Variants in TRIM9 observed in about 807,000 individuals in gnomAD.
The protein encoded by TRIM9 is E3 ubiquitin-protein ligase TRIM9.
TRIM9 carries 26 observed loss-of-function variants against 78.3 expected under a neutral mutation model. That is an observed-to-expected ratio of 0.33 (90% CI 0.24 to 0.46). TRIM9 has a LOEUF of 0.46. Ranked by LOEUF, TRIM9 falls within the 20% of genes least tolerant of loss-of-function variation. The probability of loss-of-function intolerance (pLI) is 1.00; values close to 1 mark genes in which losing one functional copy is unlikely to be tolerated. For synonymous variants in TRIM9, 398 were observed against 416.5 expected (o/e 0.96, Z 0.54); for missense variants, 787 against 1,036.4 (o/e 0.76, Z 3.30).
At chr14:51,000,554 G>T in intron 6 of TRIM9, 129 bp downstream of exon 6, 1 of 1,267,964 alleles carries the variant, frequency 7.9e-7, no homozygotes, top group African/African-American at 1.5e-5. Context: ...CAGGTGAAGG[G>T]CAGGCAGGCC....
intron 3 of TRIM9, among the ~76,000 whole-genome samples, chr14:51,014,014 C>G (rs188960402): frequency 6.6e-6 from 1 of 152,268 alleles, no homozygotes; most frequent in East Asian, 1.9e-4. Context: ...GACATCTGCC[C>G]TTGACTACAG....
chr14:51,081,906 G>A (rs2063338490), intron 1 of TRIM9, among the ~76,000 whole-genome samples: 1 of 152,066 alleles, frequency 6.6e-6, no homozygotes, highest in African/African-American at 2.4e-5. Flanking sequence ...TCTCTAACCT[G>A]GAAACTTTCC....
chr14:51,035,388 T>G (rs967310956), intron 1 of TRIM9, among the ~76,000 whole-genome samples: 2 of 152,368 alleles, frequency 1.3e-5, no homozygotes, highest in Middle Eastern at 3.4e-3. Context: ...GCACTAATAT[T>G]TGAGTCTCTG....
At chr14:51,054,712 T>C (rs1167168161) in intron 1 of TRIM9, among the ~76,000 whole-genome samples, 1 of 150,636 alleles carries the variant, frequency 6.6e-6, no homozygotes, top group Non-Finnish European at 1.5e-5. Flanking sequence ...TAGCTGGGAC[T>C]ACAGGCGCAT....
At chr14:51,088,838 C>A (rs1165062177) in intron 1 of TRIM9, 1 of 151,836 alleles carries the variant, frequency 6.6e-6, no homozygotes, top group African/African-American at 2.4e-5. Context: ...CAGAATGCAG[C>A]CTTCTAAACA....
At chr14:51,093,638 A>C (rs1444781775) in intron 1 of TRIM9, among the ~76,000 whole-genome samples, 1 of 152,080 alleles carries the variant, frequency 6.6e-6, no homozygotes, top group Non-Finnish European at 1.5e-5. Context: ...GCCGTGCCTC[A>C]CCAGGTCCGC....
At chr14:50,981,770 A>C (rs778829354) in intron 11 of TRIM9, 30 bp downstream of exon 11, 1 of 1,611,750 alleles carries the variant, frequency 6.2e-7, no homozygotes, top group Non-Finnish European at 8.5e-7. Context: ...GCCAACGTGA[A>C]GAAGGCTTGG....
At chr14:50,996,835 C>A (rs1291242291) in intron 7 of TRIM9, 4 of 985,320 alleles carry the variant, frequency 4.1e-6, no homozygotes, top group African/African-American at 1.7e-5. Context: ...CTCAGCATAT[C>A]CTTCTCTTGG....
chr14:51,094,822 G>T lies in TRIM9; in HGVS notation c.118C>A (p.Gln40Lys), dbSNP rs771289586. 1.3e-6 allele frequency: 2 copies of T among 1,535,462 alleles called. No individual in the cohort carries two copies. Among genetic ancestry groups the T allele is most frequent in the East Asian group, 4.5e-5 (2 of 44,296 alleles). ...TGGGGGGATTCAGACTCTGGGGTCT[G>T]CACCAGGATGTTGCGGGCGCACGCC... ...CQACARNILV[Q>K]TPESESPQSH... is the part of the protein sequence containing the mutation. The change falls in exon 1 of 13, where the codon CAG becomes AAG. Residue 40 changes from glutamine (Q) to lysine (K), a missense_variant. By Grantham distance (53) the Gln-to-Lys change is moderately conservative. Around this residue, in one of 3 missense-constraint regions of TRIM9, gnomAD observed 352 missense variants for 472.3 expected, o/e 0.75. Coordinates refer to ENST00000684578, the MANE Select transcript of TRIM9 (RefSeq NM_001387360.1).
At chr14:50,993,828 C>A (rs17796541) in intron 7 of TRIM9, among the ~76,000 whole-genome samples, 4 of 152,086 alleles carry the variant, frequency 2.6e-5, no homozygotes, top group African/African-American at 9.7e-5. Context: ...TGAGCATTGG[C>A]GGCTTAAAGT....
intron 1 of TRIM9, among the ~76,000 whole-genome samples, chr14:51,088,709 GA>G: frequency 6.6e-6 from 1 of 151,076 alleles, no homozygotes; most frequent in Non-Finnish European, 1.5e-5. Flanking sequence ...AATAACTGAA[GA>G]AAATAACCAA....
At chr14:51,069,520 C>G (rs1320834344) in intron 1 of TRIM9, among the ~76,000 whole-genome samples, 1 of 152,130 alleles carries the variant, frequency 6.6e-6, no homozygotes, top group African/African-American at 2.4e-5. Context: ...ATTGAGAAAC[C>G]CTGCTCTAGG....
intron 3 of TRIM9, among the ~76,000 whole-genome samples, chr14:51,021,480 G>A (rs1401867211): frequency 6.6e-6 from 1 of 152,182 alleles, no homozygotes; most frequent in Non-Finnish European, 1.5e-5. Flanking sequence ...GTTGGAGTCA[G>A]CTGTGGGTAT....
intron 3 of TRIM9, among the ~76,000 whole-genome samples, chr14:51,013,471 A>G (rs1031979490): frequency 4.6e-5 from 7 of 152,180 alleles, no homozygotes; most frequent in Non-Finnish European, 8.8e-5. Context: ...AAGAACTTCA[A>G]ATTTGTCCTT....
intron 1 of TRIM9, among the ~76,000 whole-genome samples, chr14:51,051,538 G>C (rs940588483): frequency 1.3e-5 from 2 of 152,160 alleles, no homozygotes; most frequent in African/African-American, 4.8e-5. Context: ...TTTACACAAA[G>C]AACCCAGGAA....
chr14:51,060,307 C>G (rs2061239278), intron 1 of TRIM9, among the ~76,000 whole-genome samples: 1 of 152,122 alleles, frequency 6.6e-6, no homozygotes, highest in South Asian at 2.1e-4. Context: ...TTTAGCTAAC[C>G]CTTTACTCCC....
chr14:50,996,845 G>T, intron 7 of TRIM9: 1 of 985,384 alleles, frequency 1.0e-6, no homozygotes, highest in Non-Finnish European at 1.2e-6. Flanking sequence ...CCTTCTCTTG[G>T]AATAGCATCA....
intron 1 of TRIM9, among the ~76,000 whole-genome samples, chr14:51,049,458 C>T (rs1416270591): frequency 1.3e-5 from 2 of 152,102 alleles, no homozygotes; most frequent in Non-Finnish European, 2.9e-5. Flanking sequence ...TCAGGAATGA[C>T]CTTCAGAAAG....
intron 7 of TRIM9, among the ~76,000 whole-genome samples, chr14:50,991,382 C>A (rs938961985): frequency 1.3e-5 from 2 of 152,114 alleles, no homozygotes; most frequent in Admixed American, 6.5e-5. Context: ...GCTCTGAAAC[C>A]TATCATTATG....
Sources: gnomAD v4.1 joint callset for allele counts (sites outside exome capture counted in the v4.1 genomes callset) on GRCh38, gnomAD v4.1.1 for gene constraint, gnomAD v4.1.1 regional missense constraint, MANE v1.5 for transcripts, NCBI Gene and HGNC (gene_info 2026-07-23, HGNC 2026-07-21) for gene names.